RSBN1: variants seen among roughly 807,000 people sequenced by gnomAD.
RSBN1 encodes the protein lysine-specific demethylase 9.
Under a neutral mutation model 74.8 loss-of-function variants are expected in RSBN1, and 23 were observed. The observed-to-expected ratio is 0.31, with a 90% CI of 0.22 to 0.44. The LOEUF (loss-of-function observed/expected upper bound fraction) is 0.44, where lower values mean the gene tolerates loss of function less well. Among genes scored for constraint, RSBN1 ranks in the 20% least tolerant of loss-of-function variants. The pLI, the probability that RSBN1 is intolerant of heterozygous loss-of-function variation, is 1.00. For missense variants in RSBN1, 808 were observed against 1,020.9 expected (o/e 0.79, Z 2.84); for synonymous variants, 407 against 379.6 (o/e 1.07, Z -0.84).
intron 1 of RSBN1, among the ~76,000 whole-genome samples, chr1:113,806,995 T>C (rs1393722345): frequency 6.6e-6 from 1 of 151,732 alleles, no homozygotes; most frequent in Non-Finnish European, 1.5e-5. Context: ...CCTGGGTAAC[T>C]GAGTGAGACC....
chr1:113,801,098 C>T (rs1464960666), intron 1 of RSBN1, among the ~76,000 whole-genome samples: 3 of 151,792 alleles, frequency 2.0e-5, no homozygotes, highest in Admixed American at 6.6e-5. Flanking sequence ...TCCTGCCTCT[C>T]GGCCTTCTGA....
rs1182623041 is a variant in RSBN1, at chr1:113,762,821, AAAGTT to A, written c.*3154_*3158del. The A allele has an allele frequency of 1.3e-5, 2 of 152,730 alleles. No homozygotes were observed. The highest frequency in any genetic ancestry group is 4.8e-5 in the African/African-American group (2 of 41,450). 9.5% of individuals were successfully genotyped at this position (152,730 alleles called of 1,614,324 possible). On this transcript the variant is annotated 3_prime_UTR_variant, in exon 7 of 7. Transcript: ENST00000261441. Reference sequence around the variant, plus strand: ...AGACTGATGCAAGACATCTTTTCCTAAAGTTTAGTAAACAACTTTAATAAGCTCCT... The same window carrying A: ...AGACTGATGCAAGACATCTTTTCCTATAGTAAACAACTTTAATAAGCTCCT...
In RSBN1 at chr1:113,796,118, G is replaced by T. The variant is rs887438107; in HGVS notation, c.1377+1245C>A. 1.3e-5 allele frequency: 2 copies of T among 151,850 alleles called. 1 individual carries two copies. The highest frequency in any genetic ancestry group is 1.3e-4 in the Admixed American group (2 of 15,242). 9.4% of individuals were successfully genotyped at this position (151,850 alleles called of 1,614,324 possible). On this transcript the variant is annotated intron_variant, in intron 2 of 6. Transcript: ENST00000261441. ...AAAATAGGATTCCTTGACCTTCAAA[G>T]GGCAAAACTTAAAAAAAAAATGAAA...
In RSBN1 at chr1:113,761,868, C is replaced by T. The variant is rs1247642040; in HGVS notation, c.*4112G>A. 6.6e-6 allele frequency: 1 copy of T among 151,436 alleles called. No homozygotes were observed. The highest frequency in any genetic ancestry group is 1.5e-5 in the Non-Finnish European group (1 of 67,768). The allele number at this position is 151,436 out of a possible 1,614,324, so 9.4% of individuals were successfully genotyped here. ...TCAGACTTTTTTTATTAAAAAAATA[C>T]TTTACAGGAAAAAAAAAAACTATGC... On this transcript the variant is annotated 3_prime_UTR_variant, in exon 7 of 7. Coordinates refer to ENST00000261441, the MANE Select transcript of RSBN1 (RefSeq NM_018364.5).
At chr1:113,782,447 T>A (rs1660157223) in intron 2 of RSBN1, among the ~76,000 whole-genome samples, 1 of 152,164 alleles carries the variant, frequency 6.6e-6, no homozygotes, top group Admixed American at 6.5e-5. Context: ...AAAACAGATA[T>A]TTGACAGACA....
chr1:113,785,334 A>G (rs1184953154), intron 2 of RSBN1, among the ~76,000 whole-genome samples: 1 of 152,198 alleles, frequency 6.6e-6, no homozygotes, highest in East Asian at 1.9e-4. Flanking sequence ...TATCTCCTGA[A>G]AGATCTGTCT....
chr1:113,797,089 T>C (rs1053077959), intron 2 of RSBN1, among the ~76,000 whole-genome samples: 1 of 152,194 alleles, frequency 6.6e-6, no homozygotes, highest in African/African-American at 2.4e-5. Context: ...CATTACCCGA[T>C]TTGTGAAAGA....
intron 1 of RSBN1, among the ~76,000 whole-genome samples, chr1:113,807,775 A>C (rs1437949503): frequency 2.2e-5 from 3 of 139,434 alleles, no homozygotes; most frequent in African/African-American, 7.6e-5. Context: ...AAAAAAAATT[A>C]TATATATATA....
At chr1:113,801,643 G>A (rs1019869908) in intron 1 of RSBN1, among the ~76,000 whole-genome samples, 15 of 152,142 alleles carry the variant, frequency 9.9e-5, no homozygotes, top group African/African-American at 3.4e-4. Context: ...TCCCCATAGT[G>A]CAAAAGCTAA....
Position 113,766,451 on chromosome 1 carries a change from G to A in RSBN1, c.1938C>T (p.Cys646=), listed in dbSNP as rs1659782946. 9 of 1,579,240 alleles carry A rather than the reference G, an allele frequency of 5.7e-6. No homozygotes were observed. The highest frequency in any genetic ancestry group is 1.7e-4 in the Middle Eastern group (1 of 5,916). ...GTTTAGCTTCATCTACCCACTGTAC[G>A]CACTGAAGAAAGAAAAAAGTTACGT... is the stretch of plus-strand genomic sequence containing the variant. The part of the protein sequence containing the change: ...LDLHEPPVSQ[C]VQWVDEAKLN... Residue 646 remains cysteine (C), a splice_region_variant and synonymous_variant, in exon 7 of 7, where the codon TGC becomes TGT. Transcript: ENST00000261441.
At chr1:113,787,588 G>A (rs1053902179) in intron 2 of RSBN1, among the ~76,000 whole-genome samples, 1 of 152,122 alleles carries the variant, frequency 6.6e-6, no homozygotes, top group Non-Finnish European at 1.5e-5. Context: ...AATGACTACA[G>A]ACACAAGGAT....
At chr1:113,770,110 G>A (rs1288396195) in intron 4 of RSBN1, among the ~76,000 whole-genome samples, 1 of 152,176 alleles carries the variant, frequency 6.6e-6, no homozygotes, top group East Asian at 1.9e-4. Context: ...GACAGTGACT[G>A]ATTTAGGAAT....
intron 3 of RSBN1, 68 bp from the exon 4 acceptor site, chr1:113,777,420 C>A: frequency 6.8e-7 from 1 of 1,480,786 alleles, no homozygotes; most frequent in South Asian, 1.4e-5. Flanking sequence ...TCCTCCCACC[C>A]AAATAAAAGT....
At chr1:113,793,863 C>T (rs772717974) in intron 2 of RSBN1, among the ~76,000 whole-genome samples, 2 of 152,044 alleles carry the variant, frequency 1.3e-5, no homozygotes, top group Non-Finnish European at 2.9e-5. Flanking sequence ...CATGGGGTTT[C>T]ACCACTTTGA....
intron 2 of RSBN1, among the ~76,000 whole-genome samples, chr1:113,793,176 G>T (rs1276752790): frequency 6.6e-6 from 1 of 152,126 alleles, no homozygotes; most frequent in Non-Finnish European, 1.5e-5. Flanking sequence ...TGCAGATTCT[G>T]ATTCAGAAAA....
rs372417546 is a variant in RSBN1 at position 113,811,953 on chromosome 1, C to T, written c.460G>A (p.Ala154Thr). The change falls in exon 1 of 7, where the codon GCC becomes ACC. Residue 154 changes from alanine (A) to threonine (T), a missense_variant. By Grantham distance (58) the Ala-to-Thr change is moderately conservative. Coordinates refer to ENST00000261441, the MANE Select transcript of RSBN1 (RefSeq NM_018364.5). ...PPPPPPSLAPAGPAVAAPLPA... is the reference protein window; with the variant it reads ...PPPPPPSLAPTGPAVAAPLPA... ...AGAGGGGCAGCGACAGCGGGCCCGG[C>T]GGGTGCCAGCGAAGGTGGCGGCGGA... is the stretch of plus-strand genomic sequence containing the variant. The T allele has an allele frequency of 1.0e-5, 16 of 1,586,444 alleles. No homozygotes were observed. The East Asian group carries it at 2.5e-4, about 25-fold the overall frequency.
At chr1:113,807,520 G>A (rs1314681317) in intron 1 of RSBN1, among the ~76,000 whole-genome samples, 3 of 151,962 alleles carry the variant, frequency 2.0e-5, no homozygotes, top group Admixed American at 1.3e-4. Context: ...AGCACTTTGG[G>A]AGGCTGAGGC....
intron 4 of RSBN1, among the ~76,000 whole-genome samples, chr1:113,774,632 G>A (rs1659981195): frequency 6.6e-6 from 1 of 151,898 alleles, no homozygotes; most frequent in African/African-American, 2.4e-5. Flanking sequence ...AGCCGAGATC[G>A]CACCACCGCA....
intron 4 of RSBN1, among the ~76,000 whole-genome samples, chr1:113,770,254 T>C (rs1659863373): frequency 6.6e-6 from 1 of 152,186 alleles, no homozygotes; most frequent in African/African-American, 2.4e-5. Flanking sequence ...CAAATCAAGA[T>C]GTGATGTCTA....
Sources: gnomAD v4.1 joint callset for allele counts (sites outside exome capture counted in the v4.1 genomes callset) on GRCh38, gnomAD v4.1.1 for gene constraint, MANE v1.5 for transcripts, NCBI Gene and HGNC (gene_info 2026-07-23, HGNC 2026-07-21) for gene names.